Variants in VGLL4 observed in about 807,000 individuals in gnomAD.
VGLL4 encodes vestigial like family member 4, also known as transcription cofactor vestigial-like protein 4.
VGLL4 carries 7 observed loss-of-function variants against 21.0 expected under a neutral mutation model. That is an observed-to-expected ratio of 0.33 (90% confidence interval 0.19 to 0.63). VGLL4 has a LOEUF of 0.63. Among genes scored for constraint, VGLL4 ranks in the 20% least tolerant of loss-of-function variants. The probability of loss-of-function intolerance (pLI) is 0.78; values close to 1 mark genes in which losing one functional copy is unlikely to be tolerated. For synonymous variants in VGLL4, 222 were observed against 173.2 expected (o/e 1.28, Z -2.21); for missense variants, 394 against 425.7 (o/e 0.93, Z 0.66).
At chr3:11,664,454 A>G (rs2076081122) in intron 2 of VGLL4, among the ~76,000 whole-genome samples, 1 of 152,168 alleles carries the variant, frequency 6.6e-6, no homozygotes, top group Non-Finnish European at 1.5e-5. Context: ...TGCTTTCTGA[A>G]GCTCAGCATG....
intron 2 of VGLL4, among the ~76,000 whole-genome samples, chr3:11,570,136 G>A (rs2073715208): frequency 6.6e-6 from 1 of 152,110 alleles, no homozygotes; most frequent in Non-Finnish European, 1.5e-5. Context: ...TTACAGAAGA[G>A]ATGACCAAGG....
chr3:11,656,544 ATC>A (rs948252930), intron 2 of VGLL4, among the ~76,000 whole-genome samples: 1 of 152,098 alleles, frequency 6.6e-6, no homozygotes, highest in African/African-American at 2.4e-5. Context: ...CCCTCAACGT[ATC>A]TGTCAAACTC....
chr3:11,632,688 G>C (rs1252151712), intron 1 of VGLL4, among the ~76,000 whole-genome samples: 1 of 152,188 alleles, frequency 6.6e-6, no homozygotes, highest in African/African-American at 2.4e-5. Context: ...ACTCTGAACA[G>C]TAAATCAGCT....
intron 1 of VGLL4, among the ~76,000 whole-genome samples, chr3:11,618,400 A>G (rs2075205065): frequency 6.6e-6 from 1 of 152,220 alleles, no homozygotes; most frequent in Non-Finnish European, 1.5e-5. Context: ...AAGTATTAAA[A>G]TATTTATTGG....
At chr3:11,618,172 C>A (rs1575459040) in intron 1 of VGLL4, among the ~76,000 whole-genome samples, 1 of 152,248 alleles carries the variant, frequency 6.6e-6, no homozygotes, top group East Asian at 1.9e-4. Context: ...TAAACCAATT[C>A]TAAAAAATCA....
intron 2 of VGLL4, among the ~76,000 whole-genome samples, chr3:11,571,915 T>C (rs2073792491): frequency 6.6e-6 from 1 of 152,190 alleles, no homozygotes; most frequent in South Asian, 2.1e-4. Flanking sequence ...AAGACCAGCC[T>C]GGGAAACATG....
At chr3:11,595,431 T>G (rs1367883567) in intron 2 of VGLL4, among the ~76,000 whole-genome samples, 1 of 152,182 alleles carries the variant, frequency 6.6e-6, no homozygotes. Context: ...AGTGTGGTGA[T>G]TCCTCAGGGA....
At chr3:11,668,430 CA>C in intron 2 of VGLL4, among the ~76,000 whole-genome samples, 1 of 152,294 alleles carries the variant, frequency 6.6e-6, no homozygotes, top group African/African-American at 2.4e-5. Flanking sequence ...CCAGCAGCAT[CA>C]GTGGCAGCTG....
intron 2 of VGLL4, among the ~76,000 whole-genome samples, chr3:11,675,215 G>A (rs575193231): frequency 3.9e-5 from 6 of 152,130 alleles, no homozygotes; most frequent in East Asian, 1.9e-4. Context: ...AGTGGCAGGC[G>A]CCTGTAATCC....
rs1440575760 is a variant in VGLL4, at chr3:11,556,450, A to G, written c.*2106T>C. 6.5e-6 allele frequency: 1 copy of G among 152,776 alleles called. No individual in the cohort carries two copies. The highest frequency in any genetic ancestry group is 1.9e-4 in the East Asian group (1 of 5,302). The allele number at this position is 152,776 out of a possible 1,614,324, so 9.5% of individuals were successfully genotyped here. ...CACTGACAAAGAGACCTGTCCCAGG[A>G]GTGTCCTCCACCGAGCCGGTCAGCT... On this transcript the variant is annotated 3_prime_UTR_variant, in exon 5 of 5. Transcript: ENST00000430365.
intron 2 of VGLL4, among the ~76,000 whole-genome samples, chr3:11,573,220 AAGAC>A (rs67052056): frequency 0.013 from 1,926 of 143,916 alleles, 73 homozygotes; most frequent in South Asian, 0.021. Flanking sequence ...GAGAGAGAGA[AAGAC>A]AGACAGAAAG....
At chr3:11,588,799 C>G (rs2074417534) in intron 2 of VGLL4, among the ~76,000 whole-genome samples, 1 of 152,238 alleles carries the variant, frequency 6.6e-6, no homozygotes, top group Admixed American at 6.5e-5. Context: ...CAGCTGATGG[C>G]AATTCCAGTG....
intron 2 of VGLL4, among the ~76,000 whole-genome samples, chr3:11,663,307 A>T (rs1277938685): frequency 6.6e-6 from 1 of 152,232 alleles, no homozygotes; most frequent in Non-Finnish European, 1.5e-5. Flanking sequence ...ACAAAGTTTG[A>T]AGTCCAGGAT....
chr3:11,558,344 T>C lies in VGLL4; in HGVS notation c.*212A>G. 1.4e-6 allele frequency: 1 copy of C among 727,662 alleles called. No homozygotes were observed. Among genetic ancestry groups the C allele is most frequent in the Non-Finnish European group, 2.2e-6 (1 of 456,286 alleles). The allele number at this position is 727,662 out of a possible 1,614,324, so 45.1% of individuals were successfully genotyped here. A position where few individuals can be genotyped will look rare whatever the true frequency, so the allele number is the denominator to read the frequency against. On this transcript the variant is annotated 3_prime_UTR_variant, in exon 5 of 5. Coordinates refer to ENST00000430365, the MANE Select transcript of VGLL4 (RefSeq NM_001128219.3). The stretch of plus-strand genomic sequence containing the variant: ...CTACATTAGACAGATGTTCCACGCG[T>C]AGTTCCTGCTATCATGTTTGAGGGC...
rs571148810 is a variant in VGLL4 at position 11,618,223 on chromosome 3, TG to T, written c.83-16202del. On this transcript the variant is annotated intron_variant, in intron 1 of 4. Transcript: ENST00000430365. ...TTGGTGTCAGGCTAATATACAGATATGTTGGGTTTTTCACAGTATATGGTAT... is the reference window on the plus strand; with the variant it reads ...TTGGTGTCAGGCTAATATACAGATATTTGGGTTTTTCACAGTATATGGTAT... Among the ~76,000 whole-genome samples the T allele has an allele frequency of 5.9e-5, 9 of 152,308 alleles. No individual in the cohort carries two copies. The East Asian group carries it at 1.7e-3, about 29-fold the overall frequency.
At chr3:11,703,076 A>AG (rs1454093268) in intron 1 of VGLL4, 2 of 1,573,776 alleles carry the variant, frequency 1.3e-6, no homozygotes, top group Admixed American at 1.8e-5. Flanking sequence ...AGGGGAAAAA[A>AG]TAATTTAAAC....
chr3:11,573,247 GAA>G lies in VGLL4; in HGVS notation c.273-8230_273-8229del, dbSNP rs58730113. 1.0e-3 allele frequency among the ~76,000 whole-genome samples: 48 copies of G among 47,778 alleles called. 7 individuals are homozygous for G. In the East Asian group the frequency reaches 0.012, roughly 12 times the overall value. The allele number at this position is 47,778 out of a possible 152,430, so 31.3% of individuals were successfully genotyped here. A position where few individuals can be genotyped will look rare whatever the true frequency, so the allele number is the denominator to read the frequency against. ...GACAGACAGAAAGAAAAGAAATAGA[GAA>G]AGAAAGAAAGAAAGAAAGAAAGAAA... On this transcript the variant is annotated intron_variant, in intron 2 of 4. Transcript: ENST00000430365.
chr3:11,673,175 G>C (rs1289387369), intron 2 of VGLL4, among the ~76,000 whole-genome samples: 1 of 152,156 alleles, frequency 6.6e-6, no homozygotes, highest in Non-Finnish European at 1.5e-5. Context: ...AGCTACTAAC[G>C]TGGAAGATAG....
intron 1 of VGLL4, among the ~76,000 whole-genome samples, chr3:11,632,297 A>G (rs752122432): frequency 6.7e-6 from 1 of 148,720 alleles, no homozygotes; most frequent in Non-Finnish European, 1.5e-5. Context: ...TGGGTGACAG[A>G]GCAACACTCT....
Sources: gnomAD v4.1 joint callset for allele counts (sites outside exome capture counted in the v4.1 genomes callset) on GRCh38, gnomAD v4.1.1 for gene constraint, MANE v1.5 for transcripts, NCBI Gene and HGNC (gene_info 2026-07-23, HGNC 2026-07-21) for gene names.